Variants in DPP6 observed in about 807,000 individuals in gnomAD.
The protein encoded by DPP6 is A-type potassium channel modulatory protein DPP6.
A neutral mutation model predicts 122.6 loss-of-function variants in DPP6; 69 were observed. That is an observed-to-expected ratio of 0.56 (90% confidence interval 0.46 to 0.69). DPP6 has a LOEUF of 0.69. Among genes scored for constraint, DPP6 ranks in the 30% least tolerant of loss-of-function variants. The probability of loss-of-function intolerance (pLI) is 0.00; values close to 1 mark genes in which losing one functional copy is unlikely to be tolerated. For missense variants in DPP6, 928 were observed against 1,116.9 expected, an observed-to-expected ratio of 0.83 and a Z score of 2.41; for synonymous variants, 418 against 433.1, an observed-to-expected ratio of 0.97 and a Z score of 0.43.
chr7:153,898,068 G>A (rs902689969), intron 1 of DPP6, among the ~76,000 whole-genome samples: 4 of 152,222 alleles, frequency 2.6e-5, no homozygotes, highest in African/African-American at 9.6e-5. Context: ...TGGTTAGTGG[G>A]TACAAACAGA....
At chr7:154,803,819 C>T (rs574014534) in intron 13 of DPP6, 45 bp from the exon 14 acceptor site, 183 of 1,590,944 alleles carry the variant, frequency 1.2e-4, no homozygotes, top group Non-Finnish European at 1.4e-4. Flanking sequence ...ATGCTGGGGC[C>T]GGGACACCGG....
intron 19 of DPP6, 123 bp downstream of exon 19, chr7:154,872,816 A>T: frequency 1.3e-6 from 2 of 1,512,552 alleles, no homozygotes; most frequent in Non-Finnish European, 1.8e-6. Flanking sequence ...TGCAAACTGA[A>T]AACATAACAT....
In DPP6 at chr7:154,536,516, A is replaced by G. The variant is rs142324267; in HGVS notation, c.458-4016A>G. Among the ~76,000 whole-genome samples the G allele has an allele frequency of 7.2e-5, 11 of 152,312 alleles. No homozygotes were observed. In the East Asian group the frequency reaches 9.7e-4, roughly 13 times the overall value. On this transcript the variant is annotated intron_variant, in intron 3 of 25. Coordinates refer to ENST00000377770, the MANE Select transcript of DPP6 (RefSeq NM_130797.4). ...CAGTTTCCTCCAAATGGAACTTTCA[A>G]TTGAATGAAATCTCAATCAGTTTCC...
intron 1 of DPP6, among the ~76,000 whole-genome samples, chr7:154,107,767 T>G (rs866327003): frequency 1.3e-5 from 2 of 152,282 alleles, no homozygotes; most frequent in South Asian, 2.1e-4. Context: ...GTTCTTTTGG[T>G]CTCCGCCTTG....
At chr7:154,230,900 T>G (rs1469637622) in intron 1 of DPP6, among the ~76,000 whole-genome samples, 1 of 152,230 alleles carries the variant, frequency 6.6e-6, no homozygotes, top group Non-Finnish European at 1.5e-5. Context: ...CAAACTATTC[T>G]ACCTGTAAGT....
chr7:153,867,345 C>T, the DPP6 span, among the ~76,000 whole-genome samples: 2 of 152,084 alleles, frequency 1.3e-5, no homozygotes, highest in Non-Finnish European at 2.9e-5. Flanking sequence ...GTTTGTAGTT[C>T]TCCTTGAAGA....
At chr7:154,144,137 C>G (rs557268864) in intron 1 of DPP6, among the ~76,000 whole-genome samples, 113 of 152,276 alleles carry the variant, frequency 7.4e-4, no homozygotes, top group African/African-American at 2.6e-3. Context: ...TTTTTGATTA[C>G]TTACTAAGGT....
chr7:154,860,569 C>T (rs878742), intron 17 of DPP6, among the ~76,000 whole-genome samples: 23,425 of 152,184 alleles, frequency 0.15, 2,181 homozygotes, highest in East Asian at 0.46. Context: ...GGAAAGGGGC[C>T]GAAGAGCTGC....
chr7:153,961,219 A>G, intron 1 of DPP6, among the ~76,000 whole-genome samples: 1 of 149,838 alleles, frequency 6.7e-6, no homozygotes, highest in African/African-American at 2.5e-5. Flanking sequence ...TGGTTCAGGC[A>G]GGAACTCCCT....
intron 3 of DPP6, among the ~76,000 whole-genome samples, chr7:154,516,800 C>A (rs188028687): frequency 1.2e-3 from 181 of 152,246 alleles, no homozygotes; most frequent in African/African-American, 4.2e-3. Flanking sequence ...GAACAGTGAT[C>A]AATGGCCTCA....
chr7:154,051,473 G>A (rs1044046480), upstream of DPP6, among the ~76,000 whole-genome samples: 1 of 150,538 alleles, frequency 6.6e-6, no homozygotes, highest in African/African-American at 2.4e-5. Flanking sequence ...AAGCCAGGCC[G>A]GGCCTGGAGC....
intron 1 of DPP6, among the ~76,000 whole-genome samples, chr7:154,161,018 AG>A (rs1172155977): frequency 6.6e-6 from 1 of 152,308 alleles, no homozygotes; most frequent in Non-Finnish European, 1.5e-5. Flanking sequence ...AGGTCTACTC[AG>A]GGGCAGTCAG....
At chr7:154,859,327 C>A (rs1803119326) in intron 17 of DPP6, among the ~76,000 whole-genome samples, 1 of 152,264 alleles carries the variant, frequency 6.6e-6, no homozygotes, top group African/African-American at 2.4e-5. Flanking sequence ...CAGGGCAAGA[C>A]AGGAGGCCTC....
intron 3 of DPP6, among the ~76,000 whole-genome samples, chr7:154,511,893 T>A (rs957123413): frequency 1.2e-4 from 18 of 152,320 alleles, no homozygotes; most frequent in African/African-American, 3.8e-4. Context: ...CCTAATAGAA[T>A]TTGTTAAAAC....
chr7:154,248,047 G>T (rs1802103527), intron 1 of DPP6, among the ~76,000 whole-genome samples: 1 of 152,126 alleles, frequency 6.6e-6, no homozygotes, highest in African/African-American at 2.4e-5. Context: ...TCTGATGAGG[G>T]CCCTCTACCA....
intron 1 of DPP6, among the ~76,000 whole-genome samples, chr7:154,111,620 C>CTTGTGT (rs975038900): frequency 7.4e-6 from 1 of 134,912 alleles, no homozygotes; most frequent in Non-Finnish European, 1.6e-5. Flanking sequence ...GGCAGGGTTT[C>CTTGTGT]GTGTGTGTGT....
intron 1 of DPP6, among the ~76,000 whole-genome samples, chr7:154,225,915 C>A (rs929485405): frequency 3.9e-5 from 6 of 152,030 alleles, no homozygotes; most frequent in African/African-American, 1.5e-4. Flanking sequence ...TTCAAAGCAA[C>A]CTCACAGTTT....
At chr7:154,182,418 AAG>A (rs1347204888) in intron 1 of DPP6, among the ~76,000 whole-genome samples, 1 of 152,076 alleles carries the variant, frequency 6.6e-6, no homozygotes, top group African/African-American at 2.4e-5. Context: ...TGCCAGAGGA[AAG>A]AGAGCTCTGG....
At chr7:154,661,644 A>T (rs2131048035) in intron 6 of DPP6, among the ~76,000 whole-genome samples, 1 of 150,040 alleles carries the variant, frequency 6.7e-6, no homozygotes, top group African/African-American at 2.5e-5. Flanking sequence ...CGTAGTATTC[A>T]TATAGTCATG....
Sources: allele counts gnomAD v4.1 joint callset (sites outside exome capture counted in the v4.1 genomes callset), GRCh38; gene constraint gnomAD v4.1.1; transcripts MANE v1.5; gene names NCBI Gene and HGNC (gene_info 2026-07-23, HGNC 2026-07-21).